Variants in CTSG observed in about 807,000 individuals in gnomAD.
CTSG encodes the protein cathepsin G.
A neutral mutation model predicts 23.0 loss-of-function variants in CTSG; 23 were observed. That is an observed-to-expected ratio of 1.00 (90% CI 0.72 to 1.42). CTSG has a LOEUF of 1.42. Ranked by LOEUF, CTSG falls within the 40% of genes most tolerant of loss-of-function variation. The pLI is 0.00. For synonymous variants in CTSG, 140 were observed against 130.4 expected (o/e 1.07, Z -0.50); for missense variants, 312 against 326.2 (o/e 0.96, Z 0.33).
Position 24,574,693 on chromosome 14 carries a change from A to T in CTSG, c.321T>A (p.Asn107Lys). 1 of 1,614,156 alleles carries T rather than the reference A, an allele frequency of 6.2e-7. No homozygotes were observed. The highest frequency in any genetic ancestry group is 8.5e-7 in the Non-Finnish European group (1 of 1,180,022). The change falls in exon 3 of 5, where the codon AAT (asparagine) becomes AAA (lysine). Residue 107 changes from asparagine (N) to lysine (K), a missense_variant. Asn to Lys is a moderately conservative substitution (Grantham distance 94). Transcript: ENST00000216336. ...HPQYNQRTIQ[N>K]DIMLLQLSRR... is the part of the protein sequence containing the mutation. The stretch of plus-strand genomic sequence containing the variant: ...GTGGTACCTGCAATAACATGATGTC[A>T]TTCTGGATGGTCCGCTGATTATATT...
In CTSG at chr14:24,574,478, T is replaced by C; in HGVS notation, c.361A>G (p.Asn121Asp). Residue 121 changes from asparagine to aspartate, a missense_variant, in exon 4 of 5, where the codon AAT (asparagine) becomes GAT (aspartate). Coordinates refer to ENST00000216336, the MANE Select transcript of CTSG (RefSeq NM_001911.3). ...LLQLSRRVRRNRNVNPVALPR... is the reference protein window; with the variant it reads ...LLQLSRRVRRDRNVNPVALPR... ...AGAGCCACTGGGTTCACGTTTCGAT[T>C]CCGTCTGACTCTTCTGCTCAGCTGG... 6.2e-7 allele frequency: 1 copy of C among 1,614,010 alleles called. No individual in the cohort carries two copies. The highest frequency in any genetic ancestry group is 1.1e-5 in the South Asian group (1 of 91,082).
Position 24,573,571 on chromosome 14 carries a change from G to C in CTSG, c.*66C>G. 11 of 1,457,748 alleles carry C rather than the reference G, an allele frequency of 7.5e-6. No individual in the cohort carries two copies. Among genetic ancestry groups the C allele is most frequent in the Non-Finnish European group, 1.0e-5 (11 of 1,067,968 alleles). 90.3% of individuals were successfully genotyped at this position (1,457,748 alleles called of 1,614,324 possible). A position where few individuals can be genotyped will look rare whatever the true frequency, so the allele number is the denominator to read the frequency against. On this transcript the variant is annotated 3_prime_UTR_variant, in exon 5 of 5. Coordinates refer to ENST00000216336, the MANE Select transcript of CTSG (RefSeq NM_001911.3). The stretch of plus-strand genomic sequence containing the variant: ...ATGAGGAATTGGTTATTTATACTCT[G>C]TGGACGTTTATTAAGGCTCTGGCAA...
At chr14:24,576,130 G>A in intron 1 of CTSG, 39 bp downstream of exon 1, 1 of 1,583,454 alleles carries the variant, frequency 6.3e-7, no homozygotes. Context: ...GAATCTATGG[G>A]ATGAGGTCAG....
chr14:24,575,330 C>T lies in CTSG; in HGVS notation c.138G>A (p.Gln46=). ...AYLQIQSPAG[Q]SRCGGFLVRE... is the part of the protein sequence containing the mutation. The stretch of plus-strand genomic sequence containing the variant: ...GCACCAGGAACCCTCCACATCTGCT[C>T]TGACCTGCTGGACTCTGGATCTGAA... The change falls in exon 2 of 5, where the codon CAG becomes CAA. Residue 46 remains glutamine (Q), a synonymous_variant. Transcript: ENST00000216336. 1.2e-6 allele frequency: 2 copies of T among 1,614,206 alleles called. No homozygotes were observed. The highest frequency in any genetic ancestry group is 1.7e-6 in the Non-Finnish European group (2 of 1,180,038).
rs140109731 is a variant in CTSG at position 24,574,784 on chromosome 14, T to C, written c.230A>G (p.His77Arg). ...GGTGTTTTCCCGTCTCTGGATATTG[T>C]GGGCGCCCAGGGTGACATTTATATT... is the stretch of plus-strand genomic sequence containing the variant. The part of the protein sequence containing the change: ...GSNINVTLGA[H>R]NIQRRENTQQ... The change falls in exon 3 of 5, where the codon CAC becomes CGC. Residue 77 changes from histidine to arginine, a missense_variant. Physicochemically the swap from His to Arg is conservative, Grantham distance 29. Coordinates refer to ENST00000216336, the MANE Select transcript of CTSG (RefSeq NM_001911.3). The C allele has an allele frequency of 1.2e-6, 2 of 1,613,918 alleles. No homozygotes were observed. Among genetic ancestry groups the C allele is most frequent in the Non-Finnish European group, 1.7e-6 (2 of 1,180,042 alleles).
Position 24,575,360 on chromosome 14 carries a change from C to T in CTSG, c.108G>A (p.Ala36=), listed in dbSNP as rs377162733. The change falls in exon 2 of 5, where the codon GCG becomes GCA. Residue 36 remains alanine, a synonymous_variant. Coordinates refer to ENST00000216336, the MANE Select transcript of CTSG (RefSeq NM_001911.3). ...CTGCTGGACTCTGGATCTGAAGATACGCCATGTAGGGGCGGGAGTGGGGCC... is the reference window on the plus strand; with the variant it reads ...CTGCTGGACTCTGGATCTGAAGATATGCCATGTAGGGGCGGGAGTGGGGCC... ...ESRPHSRPYM[A]YLQIQSPAGQ... 2.5e-6 allele frequency: 4 copies of T among 1,614,200 alleles called. No homozygotes were observed. In the South Asian group the frequency reaches 3.3e-5, roughly 13 times the overall value.
intron 2 of CTSG, 106 bp from the exon 3 acceptor site, chr14:24,574,916 A>T: frequency 3.6e-6 from 5 of 1,404,146 alleles, no homozygotes; most frequent in Non-Finnish European, 5.0e-6. Context: ...ACCAGAATCG[A>T]GGGGATGGGA....
At chr14:24,574,114 G>C (rs2066728421) in intron 4 of CTSG, 131 bp downstream of exon 4, 1 of 1,189,922 alleles carries the variant, frequency 8.4e-7, no homozygotes, top group Non-Finnish European at 1.2e-6. Context: ...CAGGTTGATG[G>C]GGAAAACAAT....
intron 4 of CTSG, 89 bp from the exon 5 acceptor site, chr14:24,573,899 G>A (rs908237756): frequency 2.4e-6 from 3 of 1,246,006 alleles, no homozygotes; most frequent in Non-Finnish European, 3.4e-6. Context: ...GCAGGGGTGG[G>A]TGGGCCCCTT....
At chr14:24,575,673 G>A (rs952275692) in intron 1 of CTSG, among the ~76,000 whole-genome samples, 6 of 152,138 alleles carry the variant, frequency 3.9e-5, no homozygotes, top group African/African-American at 1.4e-4. Context: ...CCAAAAGAGG[G>A]AGAACAACCC....
At position 24,574,750 on chromosome 14, in the gene CTSG, G is replaced by C. The variant is rs760122958; in HGVS notation, c.264C>G (p.His88Gln). ...NIQRRENTQQ[H>Q]ITARRAIRHP... ...GGCGGATGGCTCTGCGCGCAGTGAT[G>C]TGTTGCTGGGTGTTTTCCCGTCTCT... is the stretch of plus-strand genomic sequence containing the variant. Residue 88 changes from histidine (H) to glutamine (Q), a missense_variant, in exon 3 of 5, where the codon CAC becomes CAG. His to Gln is a conservative substitution (Grantham distance 24). Coordinates refer to ENST00000216336, the MANE Select transcript of CTSG (RefSeq NM_001911.3). 6.2e-7 allele frequency: 1 copy of C among 1,614,200 alleles called. No homozygotes were observed. Among genetic ancestry groups the C allele is most frequent in the African/African-American group, 1.3e-5 (1 of 75,062 alleles).
At chr14:24,575,176 G>A in intron 2 of CTSG, 89 bp downstream of exon 2, 2 of 1,494,284 alleles carry the variant, frequency 1.3e-6, no homozygotes, top group Non-Finnish European at 1.8e-6. Flanking sequence ...CCCTTTCATT[G>A]CTACAACTCT....
intron 1 of CTSG, 26 bp from the exon 2 acceptor site, chr14:24,575,438 C>A: frequency 6.2e-7 from 1 of 1,613,522 alleles, no homozygotes; most frequent in Non-Finnish European, 8.5e-7. Context: ...TGGCACTTAG[C>A]TCTATGCTTG....
intron 2 of CTSG, 117 bp from the exon 3 acceptor site, chr14:24,574,927 G>T: frequency 1.5e-6 from 2 of 1,300,342 alleles, no homozygotes; most frequent in Admixed American, 3.5e-5. Context: ...GGGGATGGGA[G>T]GGCCCTGGGG....
In CTSG at chr14:24,574,455, A is replaced by T; in HGVS notation, c.384T>A (p.Ala128=). 1 of 1,613,912 alleles carries T rather than the reference A, an allele frequency of 6.2e-7. No individual in the cohort carries two copies. The highest frequency in any genetic ancestry group is 8.5e-7 in the Non-Finnish European group (1 of 1,180,022). Residue 128 remains alanine, a synonymous_variant, in exon 4 of 5, where the codon GCT becomes GCA. Transcript: ENST00000216336. ...VRRNRNVNPV[A]LPRAQEGLRP... Reference sequence around the variant, plus strand: ...TCAGTCCCTCCTGGGCTCTAGGCAGAGCCACTGGGTTCACGTTTCGATTCC... The same window carrying T: ...TCAGTCCCTCCTGGGCTCTAGGCAGTGCCACTGGGTTCACGTTTCGATTCC...
In CTSG at chr14:24,576,197, G is replaced by A. The variant is rs2066741044; in HGVS notation, c.27C>T (p.Ala9=). 3 of 1,610,740 alleles carry A rather than the reference G, an allele frequency of 1.9e-6. No individual in the cohort carries two copies. Among genetic ancestry groups the A allele is most frequent in the Non-Finnish European group, 2.5e-6 (3 of 1,178,702 alleles). The stretch of plus-strand genomic sequence containing the variant: ...CCTCAGCCCCAGTGGGTAGGAGAAA[G>A]GCCAGCAGAAGCAGGAGTGGCTGCA... The part of the protein sequence containing the change: MQPLLLLL[A]FLLPTGAEAG... The change falls in exon 1 of 5, where the codon GCC becomes GCT. Residue 9 remains alanine, a synonymous_variant. Transcript: ENST00000216336.
At chr14:24,573,847 C>T in intron 4 of CTSG, 37 bp from the exon 5 acceptor site, 2 of 1,583,458 alleles carry the variant, frequency 1.3e-6, no homozygotes, top group Non-Finnish European at 1.7e-6. Flanking sequence ...TGAGACAGGC[C>T]TCCCTGCTCC....
At chr14:24,575,073 T>A (rs2066735163) in intron 2 of CTSG, 192 bp downstream of exon 2, 1 of 708,512 alleles carries the variant, frequency 1.4e-6, no homozygotes, top group African/African-American at 1.8e-5. Flanking sequence ...GTCTTCCATC[T>A]CTTCCTCTTG....
rs377162733 is a variant in CTSG, at chr14:24,575,360, C to G, written c.108G>C (p.Ala36=). ...CTGCTGGACTCTGGATCTGAAGATA[C>G]GCCATGTAGGGGCGGGAGTGGGGCC... ...ESRPHSRPYM[A]YLQIQSPAGQ... Residue 36 remains alanine (A), a synonymous_variant, in exon 2 of 5, where the codon GCG becomes GCC. Transcript: ENST00000216336. 76 of 1,614,084 alleles carry G rather than the reference C, an allele frequency of 4.7e-5. No individual in the cohort carries two copies. The highest frequency in any genetic ancestry group is 6.0e-5 in the Non-Finnish European group (71 of 1,180,050).
Sources: allele counts gnomAD v4.1 joint callset (sites outside exome capture counted in the v4.1 genomes callset), GRCh38; gene constraint gnomAD v4.1.1; transcripts MANE v1.5; gene names NCBI Gene and HGNC (gene_info 2026-07-23, HGNC 2026-07-21).